The following WWOX variants were observed in gnomAD, a reference collection of about 807,000 sequenced individuals.
The protein encoded by WWOX is WW domain-containing oxidoreductase.
WWOX carries 69 observed loss-of-function variants against 46.2 expected under a neutral mutation model. The ratio of observed to expected loss-of-function variants is 1.49; its 90% CI spans 1.23 to 1.82. The LOEUF (loss-of-function observed/expected upper bound fraction) is 1.82. Among genes scored for constraint, WWOX ranks in the 40% most tolerant of loss-of-function variants. The probability of loss-of-function intolerance (pLI) is 0.00; values close to 1 mark genes in which losing one functional copy is unlikely to be tolerated. For missense variants in WWOX, 919 were observed against 542.6 expected (o/e 1.69, Z -6.89); for synonymous variants, 359 against 202.6 (o/e 1.77, Z -6.56).
At chr16:78,702,100 T>TTTTATATA (rs1491267639) in intron 8 of WWOX, among the ~76,000 whole-genome samples, 4 of 81,226 alleles carry the variant, frequency 4.9e-5, no homozygotes, top group African/African-American at 2.7e-4. Flanking sequence ...ATCTATAAAG[T>TTTTATATA]TATATATATA....
chr16:79,047,251 G>C (rs2656666), intron 8 of WWOX, among the ~76,000 whole-genome samples: 59,903 of 152,090 alleles, frequency 0.39, 14,814 homozygotes, highest in African/African-American at 0.71. Flanking sequence ...GATTCACCAT[G>C]TATTTAAAGG....
chr16:78,305,064 C>G (rs1468863931), intron 5 of WWOX, among the ~76,000 whole-genome samples: 2 of 152,094 alleles, frequency 1.3e-5, no homozygotes, highest in African/African-American at 2.4e-5. Context: ...GCACTCACCC[C>G]ACCCTACCTG....
chr16:78,989,226 C>G (rs2046837340), intron 8 of WWOX, among the ~76,000 whole-genome samples: 1 of 152,116 alleles, frequency 6.6e-6, no homozygotes, highest in Non-Finnish European at 1.5e-5. Flanking sequence ...CATCCACTAA[C>G]CATCTTTCCT....
chr16:79,189,423 TTGTGTG>T (rs4035319), intron 8 of WWOX, among the ~76,000 whole-genome samples: 13,119 of 114,686 alleles, frequency 0.11, 671 homozygotes, highest in Middle Eastern at 0.15. Context: ...ACTCCCAGCT[TTGTGTG>T]TGTGTGTGTG....
chr16:78,338,480 C>T lies in WWOX; in HGVS notation c.517-48380C>T, dbSNP rs2080942830. Among the ~76,000 whole-genome samples, 3 of 121,236 alleles carry T rather than the reference C, an allele frequency of 2.5e-5. 1 individual carries two copies. Among genetic ancestry groups the T allele is most frequent in the Admixed American group, 2.4e-4 (3 of 12,464 alleles). 79.5% of individuals were successfully genotyped at this position (121,236 alleles called of 152,430 possible). On this transcript the variant is annotated intron_variant, in intron 5 of 8. Transcript: ENST00000566780. Reference sequence around the variant, plus strand: ...TGTTAAATTGTTTTATTATTGTTATCTTTATGGAGTTAAGGGCACATAAAA... The same window carrying T: ...TGTTAAATTGTTTTATTATTGTTATTTTTATGGAGTTAAGGGCACATAAAA...
At chr16:78,969,354 C>G (rs1340683813) in intron 8 of WWOX, among the ~76,000 whole-genome samples, 3 of 151,920 alleles carry the variant, frequency 2.0e-5, no homozygotes, top group African/African-American at 7.3e-5. Flanking sequence ...ACTGCACCCT[C>G]CATCTCCCTG....
chr16:78,782,367 C>G (rs895831185), intron 8 of WWOX, among the ~76,000 whole-genome samples: 1 of 152,160 alleles, frequency 6.6e-6, no homozygotes, highest in African/African-American at 2.4e-5. Flanking sequence ...GTTTTTGCCA[C>G]AGCTTCTAGG....
intron 8 of WWOX, among the ~76,000 whole-genome samples, chr16:78,601,848 ATCCCTACTC>A (rs756521427): frequency 0.16 from 24,201 of 152,032 alleles, 3,892 homozygotes; most frequent in African/African-American, 0.42. Flanking sequence ...GACTCTGCAG[ATCCCTACTC>A]GGAGTTTTTC....
chr16:79,053,308 C>G (rs557880567), intron 8 of WWOX, among the ~76,000 whole-genome samples: 2 of 152,128 alleles, frequency 1.3e-5, no homozygotes, highest in Admixed American at 6.6e-5. Flanking sequence ...CCAATTAGAA[C>G]CCGAATGAAG....
intron 8 of WWOX, among the ~76,000 whole-genome samples, chr16:79,053,199 A>G (rs79428957): frequency 4.3e-4 from 65 of 152,306 alleles, no homozygotes; most frequent in African/African-American, 1.5e-3. Flanking sequence ...CAGAAACTAG[A>G]TGGGGAGGCC....
At chr16:78,358,970 A>G (rs1166316344) in intron 5 of WWOX, among the ~76,000 whole-genome samples, 1 of 149,608 alleles carries the variant, frequency 6.7e-6, no homozygotes, top group Non-Finnish European at 1.5e-5. Context: ...TAGCTTCATA[A>G]CTTAGTAAAT....
At chr16:78,113,012 C>G (rs1205119422) in intron 3 of WWOX, among the ~76,000 whole-genome samples, 1 of 152,138 alleles carries the variant, frequency 6.6e-6, no homozygotes, top group Non-Finnish European at 1.5e-5. Context: ...GACTGAATTT[C>G]TTAAATTTTT....
intron 5 of WWOX, among the ~76,000 whole-genome samples, chr16:78,173,218 C>T (rs1003612010): frequency 2.0e-5 from 3 of 152,206 alleles, no homozygotes; most frequent in African/African-American, 7.2e-5. Flanking sequence ...TGGAGTCATA[C>T]AGATCTGGGG....
chr16:78,770,427 C>T (rs1184712340), intron 8 of WWOX, among the ~76,000 whole-genome samples: 1 of 152,098 alleles, frequency 6.6e-6, no homozygotes, highest in African/African-American at 2.4e-5. Context: ...GGGGATGGGG[C>T]AGTACACCCA....
At chr16:78,564,960 A>C (rs2044529719) in intron 8 of WWOX, among the ~76,000 whole-genome samples, 1 of 152,146 alleles carries the variant, frequency 6.6e-6, no homozygotes, top group African/African-American at 2.4e-5. Context: ...TTAACAAGAC[A>C]AGTAGAAAAC....
At chr16:78,314,669 C>A (rs1358119539) in intron 5 of WWOX, among the ~76,000 whole-genome samples, 1 of 146,974 alleles carries the variant, frequency 6.8e-6, no homozygotes, top group Admixed American at 6.8e-5. Context: ...GGACTACAGG[C>A]ACACCCCACC....
chr16:78,314,461 C>T (rs1252950760), intron 5 of WWOX, among the ~76,000 whole-genome samples: 1 of 149,856 alleles, frequency 6.7e-6, no homozygotes, highest in Non-Finnish European at 1.5e-5. Context: ...CATTTATCCC[C>T]CTGCTGCCAG....
chr16:78,498,326 G>C (rs567416510), intron 8 of WWOX, among the ~76,000 whole-genome samples: 1 of 152,276 alleles, frequency 6.6e-6, no homozygotes, highest in African/African-American at 2.4e-5. Context: ...GTAAATTGCA[G>C]GCTGTAATTC....
At chr16:78,688,578 G>T (rs1188040721) in intron 8 of WWOX, among the ~76,000 whole-genome samples, 1 of 152,070 alleles carries the variant, frequency 6.6e-6, no homozygotes, top group Admixed American at 6.5e-5. Context: ...CATCCTGCAG[G>T]AGTTTTGCAG....
Sources: gnomAD v4.1 joint callset for allele counts (sites outside exome capture counted in the v4.1 genomes callset) on GRCh38, gnomAD v4.1.1 for gene constraint, MANE v1.5 for transcripts, NCBI Gene and HGNC (gene_info 2026-07-23, HGNC 2026-07-21) for gene names.